Variants in GPRIN3 observed in about 807,000 individuals in gnomAD.
The protein encoded by GPRIN3 is G protein-regulated inducer of neurite outgrowth 3.
GPRIN3 carries 12 observed loss-of-function variants against 13.7 expected under a neutral mutation model. That is an observed-to-expected ratio of 0.87 (90% confidence interval 0.56 to 1.42). The LOEUF (loss-of-function observed/expected upper bound fraction) is 1.42. Among genes scored for constraint, GPRIN3 ranks in the 40% most tolerant of loss-of-function variants. GPRIN3 has a pLI of 0.00. For synonymous variants in GPRIN3, 377 were observed against 372.7 expected (o/e 1.01, Z -0.13); for missense variants, 1,009 against 958.7 (o/e 1.05, Z -0.69).
At chr4:89,278,986 T>A (rs895752786) in intron 1 of GPRIN3, among the ~76,000 whole-genome samples, 3 of 152,098 alleles carry the variant, frequency 2.0e-5, no homozygotes, top group Admixed American at 2.0e-4. Context: ...ATTTAAAGCC[T>A]CCAGATACAA....
chr4:89,248,349 T>A lies in GPRIN3; in HGVS notation c.1762A>T (p.Asn588Tyr). The change falls in exon 2 of 2, where the codon AAC (asparagine) becomes TAC (tyrosine). Residue 588 changes from asparagine to tyrosine, a missense_variant. By Grantham distance (143) the Asn-to-Tyr change is moderately radical. Coordinates refer to ENST00000609438, the MANE Select transcript of GPRIN3 (RefSeq NM_198281.3). ...TTTTCTTCTAAGGTGCTCTCCTGGT[T>A]CTTCCTAATTGGGGAGGGTGTAGGA... ...ANPTPSPIRK[N>Y]QESTLEENRQ... 6.2e-7 allele frequency: 1 copy of A among 1,614,218 alleles called. No homozygotes were observed. Among genetic ancestry groups the A allele is most frequent in the Non-Finnish European group, 8.5e-7 (1 of 1,180,022 alleles).
At position 89,249,851 on chromosome 4, in the gene GPRIN3, A is replaced by C. The variant is rs762083602; in HGVS notation, c.260T>G (p.Val87Gly). The part of the protein sequence containing the change: ...DMSSPGVFNE[V>G]QKAPATFNSP... ...GTTGAATGTGGCAGGTGCTTTCTGC[A>C]CTTCATTGAACACACCAGGAGAAGA... The change falls in exon 2 of 2, where the codon GTG (valine) becomes GGG (glycine). Residue 87 changes from valine (V) to glycine (G), a missense_variant. Val to Gly is a moderately radical substitution (Grantham distance 109). Coordinates refer to ENST00000609438, the MANE Select transcript of GPRIN3 (RefSeq NM_198281.3). 1 of 1,614,144 alleles carries C rather than the reference A, an allele frequency of 6.2e-7. No individual in the cohort carries two copies.
chr4:89,261,454 C>T (rs1054977852), intron 1 of GPRIN3, among the ~76,000 whole-genome samples: 2 of 152,174 alleles, frequency 1.3e-5, no homozygotes, highest in African/African-American at 4.8e-5. Context: ...TGTAAGATAA[C>T]TTATTCCAGC....
intron 1 of GPRIN3, among the ~76,000 whole-genome samples, chr4:89,268,907 C>T (rs1370354083): frequency 1.3e-5 from 2 of 152,174 alleles, no homozygotes; most frequent in Admixed American, 1.3e-4. Flanking sequence ...TCTTGAGGAA[C>T]TGGCTATGAA....
In GPRIN3 at chr4:89,249,678, C is replaced by T; in HGVS notation, c.433G>A (p.Ala145Thr). The change falls in exon 2 of 2, where the codon GCC becomes ACC. Residue 145 changes from alanine to threonine, a missense_variant. By Grantham distance (58) the Ala-to-Thr change is moderately conservative (BLOSUM62 0). Coordinates refer to ENST00000609438, the MANE Select transcript of GPRIN3 (RefSeq NM_198281.3). ...CQSIPGDQPN[A>T]ITSSMPEDSL... ...TCTTCAGGCATGGATGAGGTGATGGCATTGGGCTGATCACCTGGGATGGAC... is the reference window on the plus strand; with the variant it reads ...TCTTCAGGCATGGATGAGGTGATGGTATTGGGCTGATCACCTGGGATGGAC... 2 of 1,614,090 alleles carry T rather than the reference C, an allele frequency of 1.2e-6. No individual in the cohort carries two copies. Among genetic ancestry groups the T allele is most frequent in the Admixed American group, 1.7e-5 (1 of 60,026 alleles).
rs1374379021 is a variant in GPRIN3 at position 89,288,244 on chromosome 4, G to GT, written c.-124+19370dup. 2.6e-5 allele frequency among the ~76,000 whole-genome samples: 4 copies of GT among 151,986 alleles called. No homozygotes were observed. In the East Asian group the frequency reaches 5.8e-4, roughly 22 times the overall value. ...ATGTGATCCCAAAGAAAGGTTTTTTGTTTTTTTCTTTGCAGAGCCAACTAG... is the reference window on the plus strand; with the variant it reads ...ATGTGATCCCAAAGAAAGGTTTTTTGTTTTTTTTCTTTGCAGAGCCAACTAG... On this transcript the variant is annotated intron_variant, in intron 1 of 1. Coordinates refer to ENST00000609438, the MANE Select transcript of GPRIN3 (RefSeq NM_198281.3).
chr4:89,261,936 AC>A (rs972519011), intron 1 of GPRIN3, among the ~76,000 whole-genome samples: 17 of 151,730 alleles, frequency 1.1e-4, no homozygotes, highest in African/African-American at 3.6e-4. Context: ...ACATGGTGAA[AC>A]CCCGTCTCTA....
intron 1 of GPRIN3, among the ~76,000 whole-genome samples, chr4:89,278,373 C>T (rs888591932): frequency 6.6e-6 from 1 of 152,132 alleles, no homozygotes; most frequent in Non-Finnish European, 1.5e-5. Context: ...TAAATGAGAG[C>T]TTTCGTTCAT....
chr4:89,267,469 A>G (rs554365007), intron 1 of GPRIN3, among the ~76,000 whole-genome samples: 1 of 152,296 alleles, frequency 6.6e-6, no homozygotes, highest in African/African-American at 2.4e-5. Context: ...TACCCTTATT[A>G]TATGTTGCTG....
In GPRIN3 at chr4:89,236,939, C is replaced by A. The variant is rs531692385; in HGVS notation, c.*10841G>T. On this transcript the variant is annotated 3_prime_UTR_variant, in exon 2 of 2. Transcript: ENST00000609438. ...CTTTGGGCTAAAAAAACATAGATAA[C>A]AAGCAAATGCTTTGGAGCCCTTTAA... 5 of 152,186 alleles carry A rather than the reference C, an allele frequency of 3.3e-5. No individual in the cohort carries two copies. The highest frequency in any genetic ancestry group is 1.2e-4 in the African/African-American group (5 of 41,444). The allele number at this position is 152,186 out of a possible 1,614,324, so 9.4% of individuals were successfully genotyped here. A position where few individuals can be genotyped will look rare whatever the true frequency, so the allele number is the denominator to read the frequency against.
chr4:89,241,644 A>T lies in GPRIN3; in HGVS notation c.*6136T>A, dbSNP rs974401797. 6.6e-6 allele frequency: 1 copy of T among 152,186 alleles called. No homozygotes were observed. Among genetic ancestry groups the T allele is most frequent in the Non-Finnish European group, 1.5e-5 (1 of 68,022 alleles). The allele number at this position is 152,186 out of a possible 1,614,324, so 9.4% of individuals were successfully genotyped here. On this transcript the variant is annotated 3_prime_UTR_variant, in exon 2 of 2. Transcript: ENST00000609438. The stretch of plus-strand genomic sequence containing the variant: ...TCTCCTCTAGGGATTGGGGAGTATG[A>T]CTATAATACTGCAATCTCCTGATAT...
At chr4:89,291,587 T>C (rs1390850019) in intron 1 of GPRIN3, among the ~76,000 whole-genome samples, 1 of 152,218 alleles carries the variant, frequency 6.6e-6, no homozygotes, top group Non-Finnish European at 1.5e-5. Flanking sequence ...TTGAGGGACA[T>C]TTGAGTTATT....
rs1722811148 is a variant in GPRIN3, at chr4:89,237,096, G to A, written c.*10684C>T. 2 of 152,164 alleles carry A rather than the reference G, an allele frequency of 1.3e-5. No homozygotes were observed. Among genetic ancestry groups the A allele is most frequent in the African/African-American group, 4.8e-5 (2 of 41,426 alleles). 9.4% of individuals were successfully genotyped at this position (152,164 alleles called of 1,614,324 possible). A position where few individuals can be genotyped will look rare whatever the true frequency, so the allele number is the denominator to read the frequency against. On this transcript the variant is annotated 3_prime_UTR_variant, in exon 2 of 2. Coordinates refer to ENST00000609438, the MANE Select transcript of GPRIN3 (RefSeq NM_198281.3). Reference sequence around the variant, plus strand: ...GACGTCAAGCGGGACTAAAAAAGGTGTAGGGAAATACCATTCTTGAGATGC... The same window carrying A: ...GACGTCAAGCGGGACTAAAAAAGGTATAGGGAAATACCATTCTTGAGATGC...
chr4:89,294,718 C>T (rs1306989740), intron 1 of GPRIN3, among the ~76,000 whole-genome samples: 1 of 152,218 alleles, frequency 6.6e-6, no homozygotes, highest in Non-Finnish European at 1.5e-5. Flanking sequence ...GCTTTTCTCA[C>T]TGTTATATAG....
rs558548780 is a variant in GPRIN3 at position 89,298,677 on chromosome 4, A to G, written c.-124+8938T>C. Among the ~76,000 whole-genome samples the G allele has an allele frequency of 2.4e-4, 37 of 151,470 alleles. No homozygotes were observed. The South Asian group carries it at 7.1e-3, about 29-fold the overall frequency. On this transcript the variant is annotated intron_variant, in intron 1 of 1. Coordinates refer to ENST00000609438, the MANE Select transcript of GPRIN3 (RefSeq NM_198281.3). Reference sequence around the variant, plus strand: ...TACATACATACATATATATATATGTATATATATATATCTCAAGTGCTCGAT... The same window carrying G: ...TACATACATACATATATATATATGTGTATATATATATCTCAAGTGCTCGAT...
intron 1 of GPRIN3, among the ~76,000 whole-genome samples, chr4:89,258,700 G>A (rs1414205700): frequency 6.6e-6 from 1 of 152,210 alleles, no homozygotes; most frequent in Non-Finnish European, 1.5e-5. Flanking sequence ...CGTATGACCT[G>A]CTTTGGAGAG....
rs531949607 is a variant in GPRIN3 at position 89,253,274 on chromosome 4, C to T, written c.-123-3041G>A. On this transcript the variant is annotated intron_variant, in intron 1 of 1. Transcript: ENST00000609438. Reference sequence around the variant, plus strand: ...CTCCAAAATGGCCATTATTACAGCTCTGCCAAATGTCAAACGTACAGGAAA... The same window carrying T: ...CTCCAAAATGGCCATTATTACAGCTTTGCCAAATGTCAAACGTACAGGAAA... Among the ~76,000 whole-genome samples, 51 of 152,262 alleles carry T rather than the reference C, an allele frequency of 3.3e-4. 1 individual carries two copies. The highest frequency in any genetic ancestry group is 5.6e-4 in the Non-Finnish European group (38 of 68,028).
chr4:89,306,291 G>C (rs745557692), intron 1 of GPRIN3, among the ~76,000 whole-genome samples: 59 of 152,264 alleles, frequency 3.9e-4, no homozygotes, highest in African/African-American at 1.1e-3. Context: ...AGAAAGAATA[G>C]GTTATAACTG....
chr4:89,269,507 C>A (rs1033186266), intron 1 of GPRIN3, among the ~76,000 whole-genome samples: 1 of 152,188 alleles, frequency 6.6e-6, no homozygotes, highest in East Asian at 1.9e-4. Flanking sequence ...TCACTCTTTT[C>A]ATAATGAATC....
Sources: gnomAD v4.1 joint callset for allele counts (sites outside exome capture counted in the v4.1 genomes callset) on GRCh38, gnomAD v4.1.1 for gene constraint, MANE v1.5 for transcripts, NCBI Gene and HGNC (gene_info 2026-07-23, HGNC 2026-07-21) for gene names.